HPSE2: variants seen among roughly 807,000 people sequenced by gnomAD.
HPSE2 encodes heparanase 2 (inactive), also known as inactive heparanase-2.
A neutral mutation model predicts 60.5 loss-of-function variants in HPSE2; 38 were observed. The observed-to-expected ratio is 0.63, with a 90% confidence interval of 0.48 to 0.82. The LOEUF (loss-of-function observed/expected upper bound fraction) is 0.82, where lower values mean the gene tolerates loss of function less well. Among genes scored for constraint, HPSE2 ranks in the 40% least tolerant of loss-of-function variants. HPSE2 has a pLI of 0.00. For synonymous variants in HPSE2, 295 were observed against 293.2 expected, an observed-to-expected ratio of 1.01 and a Z score of -0.06; for missense variants, 713 against 740.4, an observed-to-expected ratio of 0.96 and a Z score of 0.43.
At chr10:98,757,875 T>G (rs1461579787) in intron 3 of HPSE2, among the ~76,000 whole-genome samples, 1 of 151,996 alleles carries the variant, frequency 6.6e-6, no homozygotes, top group Non-Finnish European at 1.5e-5. Flanking sequence ...AGAACCCAAA[T>G]AGCCAAAGCA....
At chr10:99,242,943 C>A in the HPSE2 span, among the ~76,000 whole-genome samples, 1 of 152,120 alleles carries the variant, frequency 6.6e-6, no homozygotes, top group Admixed American at 6.6e-5. Flanking sequence ...AGATGGGTTA[C>A]AAGGAAATTA....
At chr10:98,641,804 C>G in intron 7 of HPSE2, 43 bp downstream of exon 7, 1 of 1,406,434 alleles carries the variant, frequency 7.1e-7, no homozygotes, top group Non-Finnish European at 1.0e-6. Context: ...CCTTGTCTTA[C>G]CCCCAGAATC....
chr10:99,213,944 G>A (rs1318238846), intron 2 of HPSE2, among the ~76,000 whole-genome samples: 4 of 152,130 alleles, frequency 2.6e-5, no homozygotes, highest in African/African-American at 9.7e-5. Context: ...GAAAAATTTT[G>A]TAAATCATAT....
At chr10:98,467,834 T>C (rs1940607021) in intron 11 of HPSE2, among the ~76,000 whole-genome samples, 1 of 152,268 alleles carries the variant, frequency 6.6e-6, no homozygotes, top group African/African-American at 2.4e-5. Context: ...GGGTCCCACC[T>C]GGAATGTGGC....
chr10:99,268,382 G>A, the HPSE2 span, among the ~76,000 whole-genome samples: 75,062 of 151,930 alleles, frequency 0.49, 21,714 homozygotes, highest in Non-Finnish European at 0.64. Flanking sequence ...AGTGGCTCAC[G>A]CCTGTAATCC....
chr10:98,516,865 G>A (rs917755848), intron 9 of HPSE2, among the ~76,000 whole-genome samples: 1 of 152,050 alleles, frequency 6.6e-6, no homozygotes, highest in Non-Finnish European at 1.5e-5. Context: ...AATCAATGAA[G>A]CACTGCTTTG....
At chr10:98,968,197 C>T (rs915399656) in intron 3 of HPSE2, among the ~76,000 whole-genome samples, 8 of 152,088 alleles carry the variant, frequency 5.3e-5, no homozygotes, top group African/African-American at 1.2e-4. Context: ...TAAAAACATA[C>T]GGTACTCTAT....
intron 6 of HPSE2, among the ~76,000 whole-genome samples, chr10:98,666,048 T>A (rs1003518397): frequency 1.3e-5 from 2 of 152,106 alleles, no homozygotes; most frequent in Non-Finnish European, 2.9e-5. Flanking sequence ...CAATCTCACA[T>A]GTAATAACAT....
intron 3 of HPSE2, among the ~76,000 whole-genome samples, chr10:98,912,860 G>T (rs1590065192): frequency 6.6e-6 from 1 of 152,076 alleles, no homozygotes; most frequent in African/African-American, 2.4e-5. Flanking sequence ...GAATTAATAA[G>T]ACCTACTATT....
In HPSE2 at chr10:99,186,129, C is replaced by CACACACACACACACACACACAT. The variant is rs1848006982; in HGVS notation, c.449-41731_449-41730insATGTGTGTGTGTGTGTGTGTGT. On this transcript the variant is annotated intron_variant, in intron 2 of 11. Transcript: ENST00000370552. ...CCACACACACACACACACACACACA[C>CACACACACACACACACACACAT]ACACACACACACACACACACACACA... is the stretch of plus-strand genomic sequence containing the variant. Among the ~76,000 whole-genome samples the CACACACACACACACACACACAT allele has an allele frequency of 2.8e-3, 402 of 141,692 alleles. 11 individuals carry two copies. Among genetic ancestry groups the CACACACACACACACACACACAT allele is most frequent in the Non-Finnish European group, 1.9e-3 (123 of 64,442 alleles). The allele number at this position is 141,692 out of a possible 152,430, so 93.0% of individuals were successfully genotyped here. A position where few individuals can be genotyped will look rare whatever the true frequency, so the allele number is the denominator to read the frequency against.
intron 2 of HPSE2, among the ~76,000 whole-genome samples, chr10:99,165,970 T>C (rs1160011034): frequency 6.6e-6 from 1 of 151,294 alleles, no homozygotes; most frequent in African/African-American, 2.4e-5. Flanking sequence ...TTCATCCTCA[T>C]TGTGGCCAAC....
At chr10:98,734,474 T>C (rs1290726030) in intron 4 of HPSE2, among the ~76,000 whole-genome samples, 6 of 152,232 alleles carry the variant, frequency 3.9e-5, no homozygotes, top group Non-Finnish European at 7.3e-5. Flanking sequence ...CCACCAGCAG[T>C]GTGTGAAGGT....
intron 4 of HPSE2, among the ~76,000 whole-genome samples, chr10:98,740,196 G>C (rs1949463148): frequency 7.1e-6 from 1 of 139,962 alleles, no homozygotes. Flanking sequence ...TTTTTTTTGA[G>C]ACAGGGTCTC....
At chr10:99,091,487 T>A (rs549436854) in intron 3 of HPSE2, among the ~76,000 whole-genome samples, 1 of 152,262 alleles carries the variant, frequency 6.6e-6, no homozygotes, top group African/African-American at 2.4e-5. Context: ...ATTAACAAAG[T>A]TTTTTTAAAA....
rs984100250 is a variant in HPSE2 at position 98,982,871 on chromosome 10, T to C, written c.610+161367A>G. On this transcript the variant is annotated intron_variant, in intron 3 of 11. Coordinates refer to ENST00000370552, the MANE Select transcript of HPSE2 (RefSeq NM_021828.5). ...AAAGTCAAGTCTCGAGTTTGAACTA[T>C]GTGGCTGATCACTTGAATTACTTGT... Among the ~76,000 whole-genome samples, 36 of 152,342 alleles carry C rather than the reference T, an allele frequency of 2.4e-4. 1 individual carries two copies. The highest frequency in any genetic ancestry group is 4.6e-4 in the Non-Finnish European group (31 of 68,016).
At chr10:98,513,174 G>C (rs1264660240) in intron 9 of HPSE2, among the ~76,000 whole-genome samples, 2 of 152,120 alleles carry the variant, frequency 1.3e-5, no homozygotes, top group Non-Finnish European at 2.9e-5. Context: ...AGGGCCTTGA[G>C]GTATCTATGT....
At chr10:98,646,565 G>A (rs751330966) in intron 6 of HPSE2, among the ~76,000 whole-genome samples, 2 of 152,060 alleles carry the variant, frequency 1.3e-5, no homozygotes, top group Non-Finnish European at 2.9e-5. Flanking sequence ...ATCATCAAAA[G>A]GTCTGTCTCA....
intron 3 of HPSE2, among the ~76,000 whole-genome samples, chr10:98,848,364 G>A (rs561456738): frequency 1.3e-5 from 2 of 152,062 alleles, no homozygotes; most frequent in East Asian, 3.9e-4. Flanking sequence ...GTTACAGTGA[G>A]CCTAGATCGC....
chr10:98,793,985 G>A (rs975539505), intron 3 of HPSE2, among the ~76,000 whole-genome samples: 1 of 152,110 alleles, frequency 6.6e-6, no homozygotes, highest in African/African-American at 2.4e-5. Flanking sequence ...TATACATGAG[G>A]GATCTCAAAA....
Sources: gnomAD v4.1 joint callset for allele counts (sites outside exome capture counted in the v4.1 genomes callset) on GRCh38, gnomAD v4.1.1 for gene constraint, MANE v1.5 for transcripts, NCBI Gene and HGNC (gene_info 2026-07-23, HGNC 2026-07-21) for gene names.